Variants in TENM2 observed in about 807,000 individuals in gnomAD.
The protein encoded by TENM2 is teneurin transmembrane protein 2.
A neutral mutation model predicts 245.2 loss-of-function variants in TENM2; 52 were observed. The ratio of observed to expected loss-of-function variants is 0.21; its 90% CI spans 0.17 to 0.27. The LOEUF is 0.27. Among genes scored for constraint, TENM2 ranks in the 10% least tolerant of loss-of-function variants. The pLI, the probability that TENM2 is intolerant of heterozygous loss-of-function variation, is 1.00. For missense variants in TENM2, 3,046 were observed against 3,666.8 expected (o/e 0.83, Z 4.37); for synonymous variants, 1,363 against 1,438.9 (o/e 0.95, Z 1.19).
chr5:167,332,902 G>A (rs1757543251), intron 1 of TENM2, among the ~76,000 whole-genome samples: 1 of 152,136 alleles, frequency 6.6e-6, no homozygotes, highest in South Asian at 2.1e-4. Context: ...TGGCTATAGA[G>A]GTTATGGCTG....
chr5:167,107,211 G>C, the TENM2 span, among the ~76,000 whole-genome samples: 1 of 151,750 alleles, frequency 6.6e-6, no homozygotes, highest in Non-Finnish European at 1.5e-5. Context: ...GCAGTGAGCC[G>C]AGACTGCGCC....
the TENM2 span, among the ~76,000 whole-genome samples, chr5:167,121,966 A>G: frequency 6.6e-6 from 1 of 152,222 alleles, no homozygotes; most frequent in Non-Finnish European, 1.5e-5. Context: ...AAGATTGCGA[A>G]GCTCATTTAA....
chr5:167,435,850 T>C (rs1582039158), intron 2 of TENM2, among the ~76,000 whole-genome samples: 1 of 152,098 alleles, frequency 6.6e-6, no homozygotes. Context: ...CAAAGGTGAC[T>C]CTTGTTATAT....
intron 1 of TENM2, among the ~76,000 whole-genome samples, chr5:167,299,356 C>G (rs374864348): frequency 6.6e-6 from 1 of 152,188 alleles, no homozygotes; most frequent in Non-Finnish European, 1.5e-5. Context: ...GGAAAGGCCT[C>G]TACCTATCCA....
chr5:167,742,217 T>G (rs1761225556), intron 2 of TENM2, among the ~76,000 whole-genome samples: 1 of 152,136 alleles, frequency 6.6e-6, no homozygotes, highest in Admixed American at 6.5e-5. Flanking sequence ...TAATTCCCAC[T>G]TTTCCAGCCA....
intron 2 of TENM2, among the ~76,000 whole-genome samples, chr5:167,581,108 A>G (rs1775064485): frequency 6.6e-6 from 1 of 152,216 alleles, no homozygotes; most frequent in Non-Finnish European, 1.5e-5. Context: ...CTTTGTACCA[A>G]TGTCTCTCAT....
intron 2 of TENM2, among the ~76,000 whole-genome samples, chr5:167,493,481 A>G (rs542638173): frequency 4.5e-4 from 68 of 152,278 alleles, no homozygotes; most frequent in African/African-American, 1.6e-3. Flanking sequence ...GGAAGTAGTC[A>G]TAGTTTTGGC....
At chr5:167,705,262 G>A (rs1758426112) in intron 2 of TENM2, among the ~76,000 whole-genome samples, 1 of 152,144 alleles carries the variant, frequency 6.6e-6, no homozygotes, top group South Asian at 2.1e-4. Context: ...GAGCTCAAAC[G>A]AGGTGATCAG....
At chr5:167,809,900 T>C (rs996637334) in intron 2 of TENM2, among the ~76,000 whole-genome samples, 5 of 152,186 alleles carry the variant, frequency 3.3e-5, no homozygotes, top group African/African-American at 1.2e-4. Flanking sequence ...ATGAGAATTC[T>C]ACTAACAGCA....
intron 3 of TENM2, among the ~76,000 whole-genome samples, chr5:167,925,306 A>C (rs1041190151): frequency 4.6e-5 from 7 of 152,244 alleles, no homozygotes; most frequent in African/African-American, 1.7e-4. Flanking sequence ...CATTTATATA[A>C]GTTCAAAACA....
intron 12 of TENM2, among the ~76,000 whole-genome samples, chr5:168,131,603 C>A (rs796754168): frequency 6.6e-6 from 1 of 152,226 alleles, no homozygotes; most frequent in African/African-American, 2.4e-5. Flanking sequence ...GGGTCACAGT[C>A]CAAGAGGGAG....
chr5:167,499,151 C>G (rs1010871629), intron 2 of TENM2, among the ~76,000 whole-genome samples: 1 of 152,100 alleles, frequency 6.6e-6, no homozygotes, highest in Non-Finnish European at 1.5e-5. Context: ...CCCGTGGGAC[C>G]TTTTTCTACT....
the TENM2 span, among the ~76,000 whole-genome samples, chr5:167,140,222 T>C: frequency 1.3e-5 from 2 of 152,148 alleles, no homozygotes; most frequent in African/African-American, 2.4e-5. Flanking sequence ...TATTTTGACA[T>C]AGGCATGCAA....
rs141630588 is a variant in TENM2, at chr5:168,162,564, C to T, written c.2423-47C>T. 403 of 1,596,788 alleles carry T rather than the reference C, an allele frequency of 2.5e-4. 2 individuals carry two copies. In the East Asian group the frequency reaches 7.0e-3, roughly 28 times the overall value. ...CTGCATGGCTCCCCTGCTTCCCCAG[C>T]GCGGCCTCACGTCCCTCCTTCTCAT... is the stretch of plus-strand genomic sequence containing the variant. On this transcript the variant is annotated intron_variant, in intron 12 of 28. Coordinates refer to ENST00000518659, the Ensembl canonical transcript of TENM2.
At chr5:167,095,829 G>C in the TENM2 span, among the ~76,000 whole-genome samples, 9 of 149,282 alleles carry the variant, frequency 6.0e-5, no homozygotes, top group African/African-American at 1.7e-4. Flanking sequence ...GGAGTGCAAT[G>C]GCGTGATCTC....
At chr5:168,230,353 C>A (rs923048711) in intron 25 of TENM2, among the ~76,000 whole-genome samples, 3 of 152,158 alleles carry the variant, frequency 2.0e-5, no homozygotes, top group Non-Finnish European at 4.4e-5. Flanking sequence ...AGGGAGAAAG[C>A]CTGGAATTTA....
At chr5:168,095,889 G>A (rs1053132255) in intron 8 of TENM2, among the ~76,000 whole-genome samples, 1 of 152,094 alleles carries the variant, frequency 6.6e-6, no homozygotes, top group Non-Finnish European at 1.5e-5. Flanking sequence ...CAGAGTGTCA[G>A]CACATGTTCT....
At chr5:168,196,624 G>T (rs963290610) in intron 15 of TENM2, among the ~76,000 whole-genome samples, 5 of 152,138 alleles carry the variant, frequency 3.3e-5, no homozygotes, top group African/African-American at 9.7e-5. Context: ...ACCACGCCCA[G>T]CTAATTTTTG....
chr5:167,204,322 A>G, the TENM2 span, among the ~76,000 whole-genome samples: 2 of 152,212 alleles, frequency 1.3e-5, no homozygotes, highest in Admixed American at 1.3e-4. Flanking sequence ...AAAGTAATTG[A>G]GGCAATAGCA....
Sources: gnomAD v4.1 joint callset for allele counts (sites outside exome capture counted in the v4.1 genomes callset) on GRCh38, gnomAD v4.1.1 for gene constraint, MANE v1.5 for transcripts, NCBI Gene and HGNC (gene_info 2026-07-23, HGNC 2026-07-21) for gene names.